The following STK32B variants were observed in gnomAD, a reference collection of about 807,000 sequenced individuals.
STK32B encodes serine/threonine-protein kinase 32B.
STK32B carries 43 observed loss-of-function variants against 52.6 expected under a neutral mutation model. The ratio of observed to expected loss-of-function variants is 0.82; its 90% confidence interval spans 0.64 to 1.05. The LOEUF is 1.05. Ranked by LOEUF, STK32B falls within the 50% of genes least tolerant of loss-of-function variation. STK32B has a pLI of 0.00. For synonymous variants in STK32B, 238 were observed against 204.3 expected (o/e 1.17, Z -1.41); for missense variants, 621 against 534.6 (o/e 1.16, Z -1.59).
At chr4:5,498,858 A>G in intron 11 of STK32B, 87 bp from the exon 12 acceptor site, 1 of 1,483,770 alleles carries the variant, frequency 6.7e-7, no homozygotes, top group Non-Finnish European at 9.0e-7. Context: ...AAGGCTCCAC[A>G]GTTGCCCTGC....
At chr4:5,237,923 A>G (rs1724742250) in intron 3 of STK32B, among the ~76,000 whole-genome samples, 1 of 152,178 alleles carries the variant, frequency 6.6e-6, no homozygotes, top group Non-Finnish European at 1.5e-5. Flanking sequence ...TTGAAACAGA[A>G]TCAGAATACC....
the STK32B span, among the ~76,000 whole-genome samples, chr4:5,043,456 T>C: frequency 6.6e-6 from 1 of 152,260 alleles, no homozygotes; most frequent in African/African-American, 2.4e-5. Context: ...AATCTAGCTA[T>C]ATGTCTCATA....
intron 3 of STK32B, among the ~76,000 whole-genome samples, chr4:5,183,766 T>G (rs540033013): frequency 6.6e-6 from 1 of 152,370 alleles, no homozygotes; most frequent in Non-Finnish European, 1.5e-5. Context: ...TCCATCACAC[T>G]TTCTGCTTCA....
At chr4:5,479,746 C>G (rs1306690523) in intron 11 of STK32B, among the ~76,000 whole-genome samples, 1 of 152,160 alleles carries the variant, frequency 6.6e-6, no homozygotes, top group Non-Finnish European at 1.5e-5. Flanking sequence ...TTTTCTCTTT[C>G]AATATCCACC....
chr4:5,426,576 G>A (rs1001810058), intron 6 of STK32B, among the ~76,000 whole-genome samples: 3 of 151,152 alleles, frequency 2.0e-5, no homozygotes, highest in African/African-American at 4.9e-5. Context: ...GTGTGGTGGT[G>A]TGCACCTGTA....
At chr4:5,179,069 G>A (rs1311625274) in intron 3 of STK32B, among the ~76,000 whole-genome samples, 1 of 152,328 alleles carries the variant, frequency 6.6e-6, no homozygotes, top group East Asian at 1.9e-4. Context: ...AAAGACAAGA[G>A]GTTTAACTTA....
At chr4:5,190,596 A>C (rs1416163901) in intron 3 of STK32B, among the ~76,000 whole-genome samples, 2 of 152,194 alleles carry the variant, frequency 1.3e-5, no homozygotes, top group African/African-American at 4.8e-5. Flanking sequence ...GTCATAGCTC[A>C]CCCTGAAGAG....
chr4:5,085,318 G>C (rs1487553157), intron 1 of STK32B, among the ~76,000 whole-genome samples: 2 of 152,162 alleles, frequency 1.3e-5, no homozygotes, highest in Admixed American at 6.5e-5. Context: ...ATTATCTACT[G>C]TAATTATTTT....
At chr4:5,099,454 G>GCGTGCGCGCGCACA (rs1553823531) in intron 1 of STK32B, among the ~76,000 whole-genome samples, 4 of 129,744 alleles carry the variant, frequency 3.1e-5, no homozygotes, top group African/African-American at 1.0e-4. Context: ...GTGTGTGCGC[G>GCGTGCGCGCGCACA]CGCGCGTATG....
chr4:5,199,379 T>C (rs982846690), intron 3 of STK32B, among the ~76,000 whole-genome samples: 1 of 152,204 alleles, frequency 6.6e-6, no homozygotes, highest in African/African-American at 2.4e-5. Context: ...AGCATATCTT[T>C]GTTGCTATGT....
At chr4:5,389,337 C>G (rs1308873041) in intron 4 of STK32B, among the ~76,000 whole-genome samples, 3 of 152,296 alleles carry the variant, frequency 2.0e-5, no homozygotes, top group Admixed American at 2.0e-4. Flanking sequence ...GGCTGGGCAG[C>G]TTAAACAACA....
chr4:5,499,011 C>T lies in STK32B; in HGVS notation c.1173C>T (p.Ala391=). The T allele has an allele frequency of 6.2e-7, 1 of 1,613,856 alleles. No individual in the cohort carries two copies. The highest frequency in any genetic ancestry group is 8.5e-7 in the Non-Finnish European group (1 of 1,179,856). Residue 391 remains alanine (A), a synonymous_variant, in exon 12 of 12, where the codon GCC becomes GCT. Transcript: ENST00000282908. The part of the protein sequence containing the change: ...LDTDSRGGGQ[A]QSKLQDGCNN... ...CCGACAGCCGAGGGGGAGGCCAGGCCCAAAGCAAGCTCCAGGACGGGTGCA... is the reference window on the plus strand; with the variant it reads ...CCGACAGCCGAGGGGGAGGCCAGGCTCAAAGCAAGCTCCAGGACGGGTGCA...
chr4:5,304,933 C>G (rs1241525660), intron 3 of STK32B, among the ~76,000 whole-genome samples: 3 of 152,012 alleles, frequency 2.0e-5, no homozygotes. Flanking sequence ...TTTTCTGCAT[C>G]TATTGAGATG....
chr4:5,480,421 C>A (rs1718595445), intron 11 of STK32B, among the ~76,000 whole-genome samples: 1 of 152,086 alleles, frequency 6.6e-6, no homozygotes, highest in South Asian at 2.1e-4. Flanking sequence ...TGGTTTGGTT[C>A]AGAAAGGCAG....
intron 4 of STK32B, among the ~76,000 whole-genome samples, chr4:5,392,351 A>G (rs195131): frequency 0.94 from 142,516 of 152,190 alleles, 67,268 homozygotes; most frequent in East Asian, 1. Context: ...ACTGGAATTC[A>G]GGAGGCGGAG....
intron 6 of STK32B, among the ~76,000 whole-genome samples, chr4:5,434,621 CAGAT>C (rs960059184): frequency 6.6e-6 from 1 of 152,102 alleles, no homozygotes; most frequent in Non-Finnish European, 1.5e-5. Context: ...TGTGTCACCT[CAGAT>C]GTGGTACCCA....
intron 2 of STK32B, among the ~76,000 whole-genome samples, chr4:5,151,106 A>T (rs1328799570): frequency 6.6e-6 from 1 of 152,190 alleles, no homozygotes; most frequent in Non-Finnish European, 1.5e-5. Flanking sequence ...GAGAAATATA[A>T]GCTTTCTAGA....
rs538340264 is a variant in STK32B, at chr4:5,320,362, A to C, written c.261-10858A>C. Among the ~76,000 whole-genome samples the C allele has an allele frequency of 3.9e-5, 6 of 152,264 alleles. No homozygotes were observed. In the South Asian group the frequency reaches 8.3e-4, roughly 21 times the overall value. ...CCAGTGCCTCTTGATTTTCATTACT[A>C]AGGCTGCATGGACTGTATTAGGTTG... On this transcript the variant is annotated intron_variant, in intron 3 of 11. Transcript: ENST00000282908.
At chr4:5,336,802 A>G (rs946136610) in intron 4 of STK32B, among the ~76,000 whole-genome samples, 7 of 152,164 alleles carry the variant, frequency 4.6e-5, no homozygotes, top group Admixed American at 2.6e-4. Context: ...TGAAAGAACA[A>G]TCTCCCAGAC....
Sources: gnomAD v4.1 joint callset for allele counts (sites outside exome capture counted in the v4.1 genomes callset) on GRCh38, gnomAD v4.1.1 for gene constraint, MANE v1.5 for transcripts, NCBI Gene and HGNC (gene_info 2026-07-23, HGNC 2026-07-21) for gene names.